Variants in SUCLG2 observed in about 807,000 individuals in gnomAD.
The protein encoded by SUCLG2 is succinate--CoA ligase [GDP-forming] subunit beta, mitochondrial.
In SUCLG2, 42 loss-of-function variants were observed where a neutral mutation model predicts 47.9. That is an observed-to-expected ratio of 0.88 (90% confidence interval 0.69 to 1.14). SUCLG2 has a LOEUF of 1.14. Among genes scored for constraint, SUCLG2 ranks in the 50% most tolerant of loss-of-function variants. The pLI, the probability that SUCLG2 is intolerant of heterozygous loss-of-function variation, is 0.00. For missense variants in SUCLG2, 571 were observed against 525.9 expected, an observed-to-expected ratio of 1.09 and a Z score of -0.84; for synonymous variants, 195 against 197.3, an observed-to-expected ratio of 0.99 and a Z score of 0.10.
At chr3:67,370,057 A>C (rs972924693), downstream of SUCLG2, among the ~76,000 whole-genome samples, 2 of 152,210 alleles carry the variant, frequency 1.3e-5, no homozygotes, top group African/African-American at 4.8e-5. Flanking sequence ...TAGTTTAATG[A>C]ATTTCAATGT....
At chr3:67,631,276 T>C (rs965817889) in intron 1 of SUCLG2, among the ~76,000 whole-genome samples, 1 of 152,192 alleles carries the variant, frequency 6.6e-6, no homozygotes, top group East Asian at 1.9e-4. Flanking sequence ...ACCCTCTTGT[T>C]ACCTGCAGTG....
chr3:67,532,771 T>C (rs1425124470), intron 2 of SUCLG2, among the ~76,000 whole-genome samples: 1 of 152,238 alleles, frequency 6.6e-6, no homozygotes, highest in Non-Finnish European at 1.5e-5. Context: ...TTTAGAGCGA[T>C]TTAAAAAGTC....
intron 2 of SUCLG2, among the ~76,000 whole-genome samples, chr3:67,593,280 A>C (rs1708215230): frequency 7.4e-6 from 1 of 135,996 alleles, no homozygotes; most frequent in Admixed American, 7.1e-5. Flanking sequence ...TAGCACATTC[A>C]ATTGTGTATC....
At chr3:67,647,061 C>A (rs1701204652) in intron 1 of SUCLG2, among the ~76,000 whole-genome samples, 1 of 152,108 alleles carries the variant, frequency 6.6e-6, no homozygotes, top group African/African-American at 2.4e-5. Context: ...CCTCCTGAAC[C>A]TCCTTAGGGC....
chr3:67,547,717 T>C (rs1706905505), intron 2 of SUCLG2, among the ~76,000 whole-genome samples: 1 of 152,150 alleles, frequency 6.6e-6, no homozygotes, highest in African/African-American at 2.4e-5. Flanking sequence ...GGAACAATTT[T>C]CACGAATCAA....
intron 1 of SUCLG2, among the ~76,000 whole-genome samples, chr3:67,643,088 T>C (rs368422783): frequency 9.8e-5 from 15 of 152,302 alleles, no homozygotes; most frequent in East Asian, 1.9e-4. Flanking sequence ...ATGTAAATGA[T>C]TGTCAAATAA....
At chr3:67,509,412 T>C (rs1331931332) in intron 6 of SUCLG2, among the ~76,000 whole-genome samples, 1 of 139,484 alleles carries the variant, frequency 7.2e-6, no homozygotes, top group Non-Finnish European at 1.5e-5. Context: ...AAGTGCTTAA[T>C]AGTGTAGTTA....
chr3:67,637,505 G>C (rs1275659489), intron 1 of SUCLG2, among the ~76,000 whole-genome samples: 1 of 152,180 alleles, frequency 6.6e-6, no homozygotes, highest in Non-Finnish European at 1.5e-5. Context: ...TAAAGTGTGA[G>C]GGCAATTTAC....
chr3:67,371,996 G>A (rs1396246554), downstream of SUCLG2, among the ~76,000 whole-genome samples: 1 of 152,148 alleles, frequency 6.6e-6, no homozygotes, highest in Non-Finnish European at 1.5e-5. Context: ...TAATCAATGT[G>A]AGCCTCTCTG....
intron 9 of SUCLG2, among the ~76,000 whole-genome samples, chr3:67,403,799 A>G (rs868034243): frequency 1.1e-4 from 16 of 152,348 alleles, no homozygotes; most frequent in South Asian, 4.1e-4. Context: ...TGGTGAAGTA[A>G]GTTAAGATGA....
intron 2 of SUCLG2, among the ~76,000 whole-genome samples, chr3:67,573,600 G>C (rs1305191119): frequency 6.6e-6 from 1 of 152,088 alleles, no homozygotes; most frequent in Admixed American, 6.6e-5. Context: ...ACATGGGAGG[G>C]GGTCCCTGGA....
At chr3:67,504,513 G>C (rs1705585373) in intron 7 of SUCLG2, among the ~76,000 whole-genome samples, 1 of 152,228 alleles carries the variant, frequency 6.6e-6, no homozygotes, top group Non-Finnish European at 1.5e-5. Context: ...TTGGCCCAGT[G>C]AATGGATTTC....
chr3:67,367,712 T>A (rs1301464449), intron 10 of SUCLG2, among the ~76,000 whole-genome samples: 1 of 152,164 alleles, frequency 6.6e-6, no homozygotes, highest in Admixed American at 6.5e-5. Flanking sequence ...CTCTAGACAT[T>A]GCAAAATTTT....
In SUCLG2 at chr3:67,603,109, T is replaced by A. The variant is rs77421470; in HGVS notation, c.226+6346A>T. Among the ~76,000 whole-genome samples the A allele has an allele frequency of 2.3e-3, 356 of 152,338 alleles. 2 individuals carry two copies. The highest frequency in any genetic ancestry group is 8.2e-3 in the African/African-American group (341 of 41,590). On this transcript the variant is annotated intron_variant, in intron 2 of 10. Transcript: ENST00000307227. ...CCATTACCCTAGGAGCAGCTTTATA[T>A]TATTGACTCCAAAGTCAAAATAATG...
chr3:67,516,982 T>C (rs1024288664), intron 6 of SUCLG2, among the ~76,000 whole-genome samples: 5 of 152,164 alleles, frequency 3.3e-5, no homozygotes, highest in Admixed American at 6.5e-5. Context: ...CTGTAGCACA[T>C]ATTCAGGAAT....
chr3:67,509,833 C>T (rs1301067950), intron 6 of SUCLG2, among the ~76,000 whole-genome samples: 1 of 152,318 alleles, frequency 6.6e-6, no homozygotes, highest in Middle Eastern at 3.4e-3. Context: ...TGCAGCAGAT[C>T]CGTTTTCAGT....
At chr3:67,435,319 T>G (rs9865859) in intron 9 of SUCLG2, among the ~76,000 whole-genome samples, 4,944 of 152,272 alleles carry the variant, frequency 0.032, 278 homozygotes, top group African/African-American at 0.11. Flanking sequence ...CTATAATACC[T>G]CAAACTTTTG....
At chr3:67,386,500 G>A (rs187606232) in intron 10 of SUCLG2, among the ~76,000 whole-genome samples, 1 of 152,156 alleles carries the variant, frequency 6.6e-6, no homozygotes, top group Non-Finnish European at 1.5e-5. Context: ...CTGGGTAATT[G>A]ATAAAGGAAA....
At chr3:67,580,295 C>T (rs1171467264) in intron 2 of SUCLG2, among the ~76,000 whole-genome samples, 6 of 152,042 alleles carry the variant, frequency 3.9e-5, no homozygotes, top group East Asian at 1.9e-4. Context: ...AGCCATGTTT[C>T]GTGGCTGTGT....
Sources: allele counts gnomAD v4.1 joint callset (sites outside exome capture counted in the v4.1 genomes callset), GRCh38; gene constraint gnomAD v4.1.1; transcripts MANE v1.5; gene names NCBI Gene and HGNC (gene_info 2026-07-23, HGNC 2026-07-21).